The following LILRA6 variants were observed in gnomAD, a reference collection of about 807,000 sequenced individuals.
LILRA6 encodes leukocyte immunoglobulin like receptor A6, also known as leukocyte immunoglobulin-like receptor subfamily A member 6.
In LILRA6, 16 loss-of-function variants were observed where a neutral mutation model predicts 53.9. That is an observed-to-expected ratio of 0.30 (90% CI 0.20 to 0.45). The LOEUF (loss-of-function observed/expected upper bound fraction) is 0.45, where lower values mean the gene tolerates loss of function less well. Among genes scored for constraint, LILRA6 ranks in the 20% least tolerant of loss-of-function variants. The pLI is 1.00. For missense variants in LILRA6, 306 were observed against 618.6 expected, an observed-to-expected ratio of 0.49 and a Z score of 5.36; for synonymous variants, 135 against 256.4, an observed-to-expected ratio of 0.53 and a Z score of 4.52.
intron 2 of LILRA6, 78 bp from the exon 3 acceptor site, chr19:54,242,388 C>G (rs1324433842): frequency 1.9e-6 from 2 of 1,066,776 alleles, no homozygotes; most frequent in African/African-American, 3.8e-5. Context: ...ACTTCCTCAT[C>G]ATCCCCATCA....
At chr19:54,236,813 A>G (rs1441014927), downstream of LILRA6, 1 of 150,928 alleles carries the variant, frequency 6.6e-6, no homozygotes, top group Non-Finnish European at 1.5e-5. Flanking sequence ...AAAGAGGAGC[A>G]TGTTCTCACT....
intron 7 of LILRA6, chr19:54,239,367 A>G: frequency 1.2e-6 from 1 of 866,770 alleles, no homozygotes; most frequent in Non-Finnish European, 1.7e-6. Flanking sequence ...GAGTTCCTCA[A>G]TAAACCCTCC....
intron 7 of LILRA6, 131 bp from the exon 8 acceptor site, chr19:54,239,220 CTG>C (rs2078683171): frequency 6.4e-7 from 1 of 1,553,186 alleles, no homozygotes; most frequent in Non-Finnish European, 8.7e-7. Context: ...CGCCCCATAA[CTG>C]TCTGACTTGT....
chr19:54,241,824 CCT>C lies in LILRA6; in HGVS notation c.408_409del (p.Gly138GlufsTer74), dbSNP rs1569029078. ...GCCACATTGGAGGGTCATATTCCCC[CCT>C]GAGGCCACCACAGGGCTGGGCAGGG... On this transcript the variant is annotated frameshift_variant, in exon 4 of 8. Transcript: ENST00000396365. LOFTEE classifies it high-confidence loss of function. The C allele has an allele frequency of 6.0e-6, 8 of 1,328,534 alleles. No individual in the cohort carries two copies. The highest frequency in any genetic ancestry group is 8.3e-6 in the Non-Finnish European group (8 of 963,436). 82.3% of individuals were successfully genotyped at this position (1,328,534 alleles called of 1,614,324 possible).
At position 54,239,319 on chromosome 19, in the gene LILRA6, G is replaced by A. The variant is rs1001019188; in HGVS notation, c.1310-230C>T. ...AGCCAGCCTCTCCCCTGGGCTCTGC[G>A]TTCTTATTCTTCCAGGCCTCATGAC... On this transcript the variant is annotated intron_variant, in intron 7 of 7. Transcript: ENST00000396365. The A allele has an allele frequency of 4.6e-5, 62 of 1,343,086 alleles. No individual in the cohort carries two copies. The South Asian group carries it at 5.3e-4, about 12-fold the overall frequency. 83.2% of individuals were successfully genotyped at this position (1,343,086 alleles called of 1,614,324 possible).
chr19:54,240,512 G>T (rs773243204), exon 6 of LILRA6: 10 of 1,607,296 alleles, frequency 6.2e-6, no homozygotes, highest in Non-Finnish European at 6.8e-6. Context: ...GCAGGGTCAC[G>T]TTCTCTCCTG....
chr19:54,241,741 G>A (rs561807554), exon 4 of LILRA6: 8 of 1,457,442 alleles, frequency 5.5e-6, no homozygotes, highest in East Asian at 2.3e-5. Context: ...TCCAGGGTCC[G>A]GGGGAGCTGG....
intron 7 of LILRA6, chr19:54,239,349 CT>C: frequency 9.2e-7 from 1 of 1,087,848 alleles, no homozygotes; most frequent in African/African-American, 1.7e-5. Flanking sequence ...CATGACGTGG[CT>C]TTTACGGAGT....
chr19:54,240,322 G>A (rs1310713564), exon 6 of LILRA6: 2 of 1,603,146 alleles, frequency 1.2e-6, no homozygotes, highest in South Asian at 2.3e-5. Flanking sequence ...AGCAGGTGGG[G>A]GTTGGAGCTG....
At position 54,242,679 on chromosome 19, in the gene LILRA6, C is replaced by T. The variant is rs1651460; in HGVS notation, c.34+39G>A. The T allele has an allele frequency of 5.8e-5, 63 of 1,091,566 alleles. 20 individuals carry two copies. Among genetic ancestry groups the T allele is most frequent in the African/African-American group, 2.9e-4 (15 of 51,788 alleles). 67.6% of individuals were successfully genotyped at this position (1,091,566 alleles called of 1,614,324 possible). A position where few individuals can be genotyped will look rare whatever the true frequency, so the allele number is the denominator to read the frequency against. On this transcript the variant is annotated intron_variant, in intron 1 of 7. Transcript: ENST00000396365. ...GCTTGTGTGTGGGGTGGGGTTCCTC[C>T]AAGACTCAGATCTCCCCCTCCCCAT...
Position 54,240,910 on chromosome 19 carries a change from GC to G in LILRA6, c.875del (p.Gly292AlafsTer22), listed in dbSNP as rs1264705631. On this transcript the variant is annotated frameshift_variant, in exon 5 of 8. Coordinates refer to ENST00000396365, the Ensembl canonical transcript of LILRA6. LOFTEE classifies it high-confidence loss of function. ...TGTGTGCACCATAGCACCTGTACTG[GC>G]CCCCGTGGGAGGGGCTCACAGGGCC... 6.2e-7 allele frequency: 1 copy of G among 1,614,096 alleles called. No individual in the cohort carries two copies. Among genetic ancestry groups the G allele is most frequent in the South Asian group, 1.1e-5 (1 of 90,992 alleles).
chr19:54,239,365 C>T, intron 7 of LILRA6: 1 of 883,516 alleles, frequency 1.1e-6, no homozygotes, highest in Non-Finnish European at 1.7e-6. Flanking sequence ...CGGAGTTCCT[C>T]AATAAACCCT....
chr19:54,242,558 G>A lies in LILRA6; in HGVS notation c.35-4C>T, dbSNP rs756262620. 347 of 1,079,722 alleles carry A rather than the reference G, an allele frequency of 3.2e-4. 106 individuals carry two copies. The African/African-American group carries it at 5.1e-3, about 16-fold the overall frequency. The allele number at this position is 1,079,722 out of a possible 1,614,324, so 66.9% of individuals were successfully genotyped here. A position where few individuals can be genotyped will look rare whatever the true frequency, so the allele number is the denominator to read the frequency against. ...GTCCTGGGGCCCAGACTCAGCCCTGGAAGAGAATTCCCTGTGAGGCATTTG... is the reference window on the plus strand; with the variant it reads ...GTCCTGGGGCCCAGACTCAGCCCTGAAAGAGAATTCCCTGTGAGGCATTTG... On this transcript the variant is annotated splice_region_variant and splice_polypyrimidine_tract_variant and intron_variant, in intron 1 of 7. Transcript: ENST00000396365.
chr19:54,238,935 C>T, exon 8 of LILRA6: 1 of 1,609,334 alleles, frequency 6.2e-7, no homozygotes, highest in Non-Finnish European at 8.5e-7. Flanking sequence ...CTGAAGGGTG[C>T]ATTGTCCTCT....
At chr19:54,239,182 C>T in intron 7 of LILRA6, 93 bp from the exon 8 acceptor site, 4 of 1,586,564 alleles carry the variant, frequency 2.5e-6, no homozygotes, top group Non-Finnish European at 3.4e-6. Context: ...CCCCCATCCG[C>T]CATTGACAGA....
chr19:54,239,398 C>T (rs1159566405), intron 7 of LILRA6: 2 of 679,368 alleles, frequency 2.9e-6, no homozygotes, highest in East Asian at 6.7e-5. Flanking sequence ...GCAGGGCTCC[C>T]TCCAGTCTCC....
chr19:54,241,577 T>C lies in LILRA6; in HGVS notation c.657A>G (p.Ser219=), dbSNP rs201014864. ...TAGACAAGGCCGTGGCTCCCTCACCTGAGGGCAGAATCTCCAGGGGGTCAC... is the reference window on the plus strand; with the variant it reads ...TAGACAAGGCCGTGGCTCCCTCACCCGAGGGCAGAATCTCCAGGGGGTCAC... Residue 219 remains serine (S), a splice_region_variant and synonymous_variant, in exon 4 of 8, where the codon TCA becomes TCG. Coordinates refer to ENST00000396365, the Ensembl canonical transcript of LILRA6. 2,477 of 1,464,808 alleles carry C rather than the reference T, an allele frequency of 1.7e-3. 11 individuals carry two copies. The highest frequency in any genetic ancestry group is 2.1e-3 in the Non-Finnish European group (2,248 of 1,068,818). The allele number at this position is 1,464,808 out of a possible 1,614,324, so 90.7% of individuals were successfully genotyped here.
At chr19:54,239,452 G>T in intron 7 of LILRA6, 1 of 618,468 alleles carries the variant, frequency 1.6e-6, no homozygotes, top group Non-Finnish European at 2.7e-6. Flanking sequence ...GAATTTCAAC[G>T]CTGCTCCTGA....
chr19:54,239,624 C>T (rs1425426993), intron 7 of LILRA6: 1 of 1,289,066 alleles, frequency 7.8e-7, no homozygotes. Flanking sequence ...GAGTCACTGG[C>T]CTGACCCTGG....
Sources: allele counts gnomAD v4.1 joint callset, GRCh38; gene constraint gnomAD v4.1.1; transcripts MANE v1.5; gene names NCBI Gene and HGNC (gene_info 2026-07-23, HGNC 2026-07-21).